Variants in SGCZ observed in about 807,000 individuals in gnomAD.
The protein encoded by SGCZ is sarcoglycan zeta.
SGCZ carries 40 observed loss-of-function variants against 41.3 expected under a neutral mutation model. That is an observed-to-expected ratio of 0.97 (90% CI 0.75 to 1.26). SGCZ has a LOEUF of 1.26. Ranked by LOEUF, SGCZ falls within the 50% of genes most tolerant of loss-of-function variation. SGCZ has a pLI of 0.00. For missense variants in SGCZ, 552 were observed against 369.8 expected (o/e 1.49, Z -4.04); for synonymous variants, 206 against 137.5 (o/e 1.50, Z -3.49).
chr8:14,732,884 T>C (rs1359255866), intron 1 of SGCZ, among the ~76,000 whole-genome samples: 2 of 152,190 alleles, frequency 1.3e-5, no homozygotes, highest in Non-Finnish European at 2.9e-5. Flanking sequence ...GGCCTGGTAA[T>C]GATGTCTTAG....
intron 1 of SGCZ, among the ~76,000 whole-genome samples, chr8:15,126,054 G>A (rs547543685): frequency 2.6e-5 from 4 of 152,302 alleles, no homozygotes; most frequent in African/African-American, 9.6e-5. Context: ...GCCAAGGCAG[G>A]AAAATTGCTT....
intron 1 of SGCZ, among the ~76,000 whole-genome samples, chr8:14,707,606 G>C (rs149798593): frequency 0.016 from 2,444 of 152,182 alleles, 29 homozygotes; most frequent in South Asian, 0.067. Flanking sequence ...TTCAGAATGA[G>C]TACAACAAAG....
intron 5 of SGCZ, among the ~76,000 whole-genome samples, chr8:14,164,049 T>C (rs1209615186): frequency 6.6e-6 from 1 of 152,096 alleles, no homozygotes; most frequent in Non-Finnish European, 1.5e-5. Context: ...TTTCAGCTGG[T>C]GGTTGACTTT....
At chr8:14,316,148 G>A (rs1801707782) in intron 3 of SGCZ, among the ~76,000 whole-genome samples, 1 of 151,840 alleles carries the variant, frequency 6.6e-6, no homozygotes, top group African/African-American at 2.4e-5. Flanking sequence ...TAAAATTGAT[G>A]TAATGTATAG....
intron 4 of SGCZ, among the ~76,000 whole-genome samples, chr8:14,182,842 T>G (rs989395490): frequency 6.6e-6 from 1 of 151,872 alleles, no homozygotes; most frequent in Non-Finnish European, 1.5e-5. Flanking sequence ...AAACCCCATC[T>G]CTACTAAAAA....
chr8:14,303,200 C>T (rs2217126), intron 3 of SGCZ, among the ~76,000 whole-genome samples: 104,506 of 152,064 alleles, frequency 0.69, 36,154 homozygotes, highest in Admixed American at 0.72. Context: ...GAATAATGCA[C>T]CTCAACGCAT....
At position 14,878,589 on chromosome 8, in the gene SGCZ, G is replaced by T. The variant is rs892571326; in HGVS notation, c.40-323663C>A. Among the ~76,000 whole-genome samples the T allele has an allele frequency of 4.6e-5, 7 of 152,224 alleles. No individual in the cohort carries two copies. The South Asian group carries it at 1.2e-3, about 27-fold the overall frequency. ...TGTCGATATCTTCCAAAATGATGCA[G>T]CACTGTTAAGGATACTGTTGATTTA... On this transcript the variant is annotated intron_variant, in intron 1 of 7. Coordinates refer to ENST00000382080, the MANE Select transcript of SGCZ (RefSeq NM_139167.4).
chr8:14,272,925 A>G (rs1458537086), intron 3 of SGCZ, among the ~76,000 whole-genome samples: 1 of 152,148 alleles, frequency 6.6e-6, no homozygotes, highest in East Asian at 1.9e-4. Context: ...GAGATGATAA[A>G]AAACTATTTT....
intron 1 of SGCZ, among the ~76,000 whole-genome samples, chr8:14,982,937 C>T (rs753104833): frequency 4.6e-5 from 7 of 152,132 alleles, no homozygotes; most frequent in African/African-American, 9.7e-5. Flanking sequence ...AAGCAAATTC[C>T]GGAGACAGAG....
intron 1 of SGCZ, among the ~76,000 whole-genome samples, chr8:15,029,801 A>T (rs1803592241): frequency 6.6e-6 from 1 of 152,134 alleles, no homozygotes. Context: ...ATCTATTTCA[A>T]CACAGCAAAG....
chr8:14,865,479 T>C (rs115156251), intron 1 of SGCZ, among the ~76,000 whole-genome samples: 3,578 of 152,218 alleles, frequency 0.024, 52 homozygotes, highest in Middle Eastern at 0.048. Context: ...TCAATCTCTG[T>C]ATTATTCTGG....
intron 1 of SGCZ, among the ~76,000 whole-genome samples, chr8:14,925,913 T>A (rs544372466): frequency 6.6e-6 from 1 of 152,330 alleles, no homozygotes; most frequent in East Asian, 1.9e-4. Flanking sequence ...ACACATTTTA[T>A]GGGCAGAATA....
At chr8:15,198,906 C>T (rs1800814783) in intron 1 of SGCZ, among the ~76,000 whole-genome samples, 1 of 152,126 alleles carries the variant, frequency 6.6e-6, no homozygotes, top group Admixed American at 6.5e-5. Context: ...CAAGGAAAAG[C>T]ATAGGTTTGC....
intron 1 of SGCZ, among the ~76,000 whole-genome samples, chr8:14,969,318 G>T (rs1388216363): frequency 2.6e-5 from 4 of 152,044 alleles, no homozygotes; most frequent in Non-Finnish European, 5.9e-5. Context: ...TGTTGCAGAG[G>T]ACTACACACT....
intron 1 of SGCZ, among the ~76,000 whole-genome samples, chr8:14,895,016 G>T (rs1320909177): frequency 1.3e-5 from 2 of 151,946 alleles, no homozygotes; most frequent in African/African-American, 2.4e-5. Context: ...GGGGGTCCAG[G>T]GTAATAATAT....
chr8:14,902,630 G>A (rs981671121), intron 1 of SGCZ, among the ~76,000 whole-genome samples: 2 of 152,114 alleles, frequency 1.3e-5, no homozygotes, highest in Non-Finnish European at 1.5e-5. Context: ...TACTATGCCA[G>A]CCTCTTCAGA....
chr8:14,246,087 A>C (rs75062729), intron 3 of SGCZ, among the ~76,000 whole-genome samples: 5,130 of 152,256 alleles, frequency 0.034, 148 homozygotes, highest in Admixed American at 0.071. Flanking sequence ...CCCAGCCATC[A>C]CATTACTGGG....
chr8:14,177,596 G>A (rs1360987543), intron 4 of SGCZ, among the ~76,000 whole-genome samples: 2 of 151,796 alleles, frequency 1.3e-5, no homozygotes, highest in Non-Finnish European at 2.9e-5. Flanking sequence ...TGCAAGCTCC[G>A]CCTCCCGGGT....
intron 2 of SGCZ, among the ~76,000 whole-genome samples, chr8:14,398,257 G>C (rs1445845697): frequency 6.6e-6 from 1 of 152,112 alleles, no homozygotes; most frequent in East Asian, 1.9e-4. Context: ...TCTAAACTTA[G>C]TTTTCTCAGC....
Sources: gnomAD v4.1 joint callset for allele counts (sites outside exome capture counted in the v4.1 genomes callset) on GRCh38, gnomAD v4.1.1 for gene constraint, MANE v1.5 for transcripts, NCBI Gene and HGNC (gene_info 2026-07-23, HGNC 2026-07-21) for gene names.